The following ZDHHC7 variants were observed in gnomAD, a reference collection of about 807,000 sequenced individuals.
ZDHHC7 encodes the protein palmitoyltransferase ZDHHC7.
In ZDHHC7, 12 loss-of-function variants were observed where a neutral mutation model predicts 34.1. The observed-to-expected ratio is 0.35, with a 90% CI of 0.23 to 0.57. ZDHHC7 has a LOEUF of 0.57. ZDHHC7 is among the 20% of genes least tolerant of loss of function. The pLI is 0.84. For synonymous variants in ZDHHC7, 185 were observed against 155.4 expected, an observed-to-expected ratio of 1.19 and a Z score of -1.42; for missense variants, 388 against 402.7, an observed-to-expected ratio of 0.96 and a Z score of 0.31.
chr16:85,020,416 A>G, the ZDHHC7 span, among the ~76,000 whole-genome samples: 2 of 152,246 alleles, frequency 1.3e-5, no homozygotes, highest in African/African-American at 2.4e-5. Flanking sequence ...TCACAAATGC[A>G]TAATTGCAAA....
At chr16:85,025,714 C>G in the ZDHHC7 span, among the ~76,000 whole-genome samples, 1 of 152,222 alleles carries the variant, frequency 6.6e-6, no homozygotes, top group African/African-American at 2.4e-5. Flanking sequence ...GGCCCCCTCT[C>G]TTTTAAAAAC....
intron 1 of ZDHHC7, among the ~76,000 whole-genome samples, chr16:84,997,345 T>C (rs899077360): frequency 6.9e-6 from 1 of 145,290 alleles, no homozygotes; most frequent in African/African-American, 2.5e-5. Context: ...CTCGGCTCAC[T>C]GCAAACTCCA....
the ZDHHC7 span, among the ~76,000 whole-genome samples, chr16:85,017,952 G>C: frequency 6.6e-6 from 1 of 152,110 alleles, no homozygotes; most frequent in Non-Finnish European, 1.5e-5. Flanking sequence ...AGATTTCTTG[G>C]AACTGTGGTG....
At chr16:84,998,219 G>A (rs7200672) in intron 1 of ZDHHC7, among the ~76,000 whole-genome samples, 24,834 of 147,966 alleles carry the variant, frequency 0.17, 2,852 homozygotes, top group East Asian at 0.32. Flanking sequence ...AGCCGAGATC[G>A]CACCACTGCA....
the ZDHHC7 span, among the ~76,000 whole-genome samples, chr16:85,023,588 T>C: frequency 6.6e-6 from 1 of 152,168 alleles, no homozygotes; most frequent in Non-Finnish European, 1.5e-5. Context: ...TTTGTATAGT[T>C]GTATTTTGGA....
chr16:84,978,544 G>T (rs191542675), intron 5 of ZDHHC7, among the ~76,000 whole-genome samples: 386 of 151,850 alleles, frequency 2.5e-3, no homozygotes, highest in African/African-American at 8.9e-3. Context: ...GACCAGCCTG[G>T]GCAACACAGC....
chr16:84,985,085 ATCT>A (rs2072419539), intron 3 of ZDHHC7, among the ~76,000 whole-genome samples: 1 of 152,126 alleles, frequency 6.6e-6, no homozygotes, highest in African/African-American at 2.4e-5. Flanking sequence ...TTTCCCACTC[ATCT>A]TCTTGTGGGA....
At chr16:84,976,671 C>T (rs2072302214) in intron 7 of ZDHHC7, 152 bp from the exon 8 acceptor site, 12 of 1,163,624 alleles carry the variant, frequency 1.0e-5, no homozygotes, top group Non-Finnish European at 1.4e-5. Context: ...CGATCCAGAC[C>T]CCGTGGCCTC....
intron 1 of ZDHHC7, among the ~76,000 whole-genome samples, chr16:84,999,330 A>T (rs2072624165): frequency 6.6e-6 from 1 of 152,168 alleles, no homozygotes; most frequent in Admixed American, 6.5e-5. Context: ...AGTTAAACAA[A>T]TACCTACCCT....
intron 3 of ZDHHC7, among the ~76,000 whole-genome samples, chr16:84,986,377 G>GT (rs1296191088): frequency 3.3e-5 from 5 of 152,238 alleles, no homozygotes; most frequent in African/African-American, 1.2e-4. Flanking sequence ...CAGCACTGCT[G>GT]TGACGGTGGG....
At chr16:85,014,337 A>T (rs889264473), upstream of ZDHHC7, among the ~76,000 whole-genome samples, 3 of 152,250 alleles carry the variant, frequency 2.0e-5, no homozygotes, top group Admixed American at 1.3e-4. Flanking sequence ...CAGAATTTCA[A>T]CATCTTTCTA....
chr16:84,991,816 C>T (rs1002145124), intron 2 of ZDHHC7, among the ~76,000 whole-genome samples: 2 of 151,954 alleles, frequency 1.3e-5, no homozygotes, highest in African/African-American at 4.8e-5. Context: ...ATTTATTAAT[C>T]CATTCTTTTG....
intron 2 of ZDHHC7, among the ~76,000 whole-genome samples, chr16:84,995,676 C>T (rs1477997917): frequency 1.3e-5 from 2 of 152,102 alleles, no homozygotes; most frequent in Non-Finnish European, 2.9e-5. Flanking sequence ...AGGTGGAAAG[C>T]GGGGTATTCC....
chr16:84,986,665 T>A (rs1453946160), intron 3 of ZDHHC7, among the ~76,000 whole-genome samples: 3 of 152,154 alleles, frequency 2.0e-5, no homozygotes, highest in Non-Finnish European at 4.4e-5. Context: ...TCTGACCCCA[T>A]CTTCCCCTCC....
chr16:85,017,579 T>C, the ZDHHC7 span, among the ~76,000 whole-genome samples: 156 of 152,282 alleles, frequency 1.0e-3, no homozygotes, highest in Non-Finnish European at 1.5e-3. Flanking sequence ...AATGAATAAA[T>C]TGTGGCGTAT....
Position 84,981,850 on chromosome 16 carries a change from T to TAATA in ZDHHC7, c.440+16_440+19dup. 6.2e-7 allele frequency: 1 copy of TAATA among 1,613,644 alleles called. No individual in the cohort carries two copies. The highest frequency in any genetic ancestry group is 1.3e-5 in the African/African-American group (1 of 75,016). On this transcript the variant is annotated intron_variant, in intron 4 of 7. Transcript: ENST00000313732. ...CCGCAGTGGCGGATGCGCTCGGGTT[T>TAATA]AATACAGCAGCGCACGTACCTGCAG...
Position 84,990,401 on chromosome 16 carries a change from G to A in ZDHHC7, c.218C>T (p.Ser73Phe), listed in dbSNP as rs762807164. 1.2e-6 allele frequency: 2 copies of A among 1,614,150 alleles called. No individual in the cohort carries two copies. Among genetic ancestry groups the A allele is most frequent in the Non-Finnish European group, 8.5e-7 (1 of 1,180,038 alleles). Reference sequence around the variant, plus strand: ...GACCACAGAGTACCAGAAGTCTTTGGAAGGCAGCAGCATGACGAAAGTCAC... The same window carrying A: ...GACCACAGAGTACCAGAAGTCTTTGAAAGGCAGCAGCATGACGAAAGTCAC... Reference protein sequence around the residue: ...FVVTFVMLLPSKDFWYSVVNG... With the variant: ...FVVTFVMLLPFKDFWYSVVNG... Residue 73 changes from serine to phenylalanine, a missense_variant, in exon 3 of 8, where the codon TCC becomes TTC. Ser to Phe is a radical substitution (Grantham distance 155). Coordinates refer to ENST00000313732, the MANE Select transcript of ZDHHC7 (RefSeq NM_017740.3).
chr16:85,006,391 G>C (rs1178587995), intron 1 of ZDHHC7, among the ~76,000 whole-genome samples: 1 of 152,054 alleles, frequency 6.6e-6, no homozygotes, highest in Admixed American at 6.6e-5. Context: ...AAAATTCCTT[G>C]AAAAATAAAA....
chr16:84,997,524 G>A (rs1253932825), intron 1 of ZDHHC7, among the ~76,000 whole-genome samples: 1 of 150,786 alleles, frequency 6.6e-6, no homozygotes, highest in Non-Finnish European at 1.5e-5. Context: ...GCCCGCCTCG[G>A]CCTCCCAAAG....
Sources: allele counts gnomAD v4.1 joint callset (sites outside exome capture counted in the v4.1 genomes callset), GRCh38; gene constraint gnomAD v4.1.1; transcripts MANE v1.5; gene names NCBI Gene and HGNC (gene_info 2026-07-23, HGNC 2026-07-21).